The following DAB1 variants were observed in gnomAD, a reference collection of about 807,000 sequenced individuals.
DAB1 encodes disabled homolog 1.
DAB1 carries 15 observed loss-of-function variants against 64.6 expected under a neutral mutation model. The ratio of observed to expected loss-of-function variants is 0.23; its 90% CI spans 0.16 to 0.36. DAB1 has a LOEUF of 0.36. Among genes scored for constraint, DAB1 ranks in the 10% least tolerant of loss-of-function variants. DAB1 has a pLI of 1.00. For missense variants in DAB1, 596 were observed against 706.7 expected, an observed-to-expected ratio of 0.84 and a Z score of 1.78; for synonymous variants, 235 against 251.9, an observed-to-expected ratio of 0.93 and a Z score of 0.64.
chr1:57,228,851 A>G (rs2100420354), intron 2 of DAB1, among the ~76,000 whole-genome samples: 1 of 152,352 alleles, frequency 6.6e-6, no homozygotes, highest in Admixed American at 6.5e-5. Context: ...CTCGGTAGAT[A>G]AAATAGTTAT....
rs570239046 is a variant in DAB1 at position 57,107,903 on chromosome 1, G to T, written c.306+28640C>A. ...AGGCAACTGAGCCTTGTGCATTTCT[G>T]TTTCATCTCTAAATAGGGATAATGA... On this transcript the variant is annotated intron_variant, in intron 4 of 14. Transcript: ENST00000371236. 5.3e-5 allele frequency among the ~76,000 whole-genome samples: 8 copies of T among 152,238 alleles called. No homozygotes were observed. The South Asian group carries it at 1.7e-3, about 32-fold the overall frequency.
chr1:57,116,493 C>T (rs1323829455), intron 4 of DAB1, among the ~76,000 whole-genome samples: 5 of 111,454 alleles, frequency 4.5e-5, no homozygotes, highest in Non-Finnish European at 7.6e-5. Flanking sequence ...AGAAAGAAAG[C>T]AGGTTGGGAG....
chr1:57,999,254 A>G (rs550017786), intron 5 of DAB1, among the ~76,000 whole-genome samples: 3 of 152,240 alleles, frequency 2.0e-5, no homozygotes, highest in African/African-American at 7.2e-5. Context: ...TGAACTGTAC[A>G]GTTTGGTGAA....
chr1:58,082,423 TA>T lies in DAB1; in HGVS notation n.387+68087del, dbSNP rs59730337. 1.5e-3 allele frequency among the ~76,000 whole-genome samples: 130 copies of T among 88,354 alleles called. No homozygotes were observed. The East Asian group carries it at 0.056, about 38-fold the overall frequency. The allele number at this position is 88,354 out of a possible 152,430, so 58.0% of individuals were successfully genotyped here. ...GATTCTAGGAAAGCCAAAACTTAAA[TA>T]AAAAAAAAAAGACAAAAATAAACAA... On this transcript the variant is annotated intron_variant and non_coding_transcript_variant, in intron 5 of 20. Coordinates refer to the DAB1 transcript ENST00000485760.
chr1:57,408,359 G>A (rs1390171812), intron 1 of DAB1, among the ~76,000 whole-genome samples: 2 of 152,146 alleles, frequency 1.3e-5, no homozygotes, highest in Admixed American at 6.5e-5. Flanking sequence ...CCGGGTTTGA[G>A]GTGACACCCC....
At chr1:58,430,662 C>A (rs2100239226) in intron 3 of DAB1, among the ~76,000 whole-genome samples, 1 of 152,288 alleles carries the variant, frequency 6.6e-6, no homozygotes, top group Middle Eastern at 3.4e-3. Flanking sequence ...TAATGATTAA[C>A]CTTGCCACTT....
chr1:58,224,991 C>T (rs1389694221), intron 4 of DAB1, among the ~76,000 whole-genome samples: 1 of 152,138 alleles, frequency 6.6e-6, no homozygotes, highest in South Asian at 2.1e-4. Flanking sequence ...AGCTTCTGCA[C>T]AGCAAAAGAA....
chr1:58,376,243 C>T (rs1230329240), intron 3 of DAB1, among the ~76,000 whole-genome samples: 2 of 144,112 alleles, frequency 1.4e-5, no homozygotes, highest in Non-Finnish European at 3.1e-5. Flanking sequence ...TTTGCTCTTG[C>T]TTTTCTAGTT....
At chr1:57,108,670 T>C (rs1299808865) in intron 4 of DAB1, among the ~76,000 whole-genome samples, 5 of 152,154 alleles carry the variant, frequency 3.3e-5, no homozygotes. Context: ...AAGTCCAGTA[T>C]GAGGGTCAAG....
chr1:57,264,664 G>A (rs1206869181), intron 2 of DAB1, among the ~76,000 whole-genome samples: 1 of 151,516 alleles, frequency 6.6e-6, no homozygotes, highest in Non-Finnish European at 1.5e-5. Flanking sequence ...TGAACATGAC[G>A]CCTAAACATT....
At chr1:57,100,796 A>C (rs547767537) in intron 4 of DAB1, among the ~76,000 whole-genome samples, 1 of 152,200 alleles carries the variant, frequency 6.6e-6, no homozygotes, top group East Asian at 1.9e-4. Context: ...TGAAGCACGC[A>C]TGAGTAGGCA....
At chr1:58,489,783 C>T (rs1645645517) in intron 3 of DAB1, among the ~76,000 whole-genome samples, 1 of 152,090 alleles carries the variant, frequency 6.6e-6, no homozygotes. Flanking sequence ...TGGCTGTTCA[C>T]CAATATCCGC....
At chr1:57,790,641 T>C (rs1482386706) in intron 6 of DAB1, among the ~76,000 whole-genome samples, 1 of 152,148 alleles carries the variant, frequency 6.6e-6, no homozygotes, top group Non-Finnish European at 1.5e-5. Flanking sequence ...GGGGCAGGTA[T>C]GACATCTGGT....
intron 6 of DAB1, among the ~76,000 whole-genome samples, chr1:57,740,253 A>C (rs1210472786): frequency 6.6e-6 from 1 of 152,122 alleles, no homozygotes; most frequent in Non-Finnish European, 1.5e-5. Flanking sequence ...TAAGCCACAT[A>C]AAAATAATCT....
intron 3 of DAB1, among the ~76,000 whole-genome samples, chr1:58,364,777 G>C (rs1243894818): frequency 6.6e-6 from 1 of 152,172 alleles, no homozygotes; most frequent in African/African-American, 2.4e-5. Flanking sequence ...CACTATCTTG[G>C]TTTCTGTGAC....
intron 2 of DAB1, among the ~76,000 whole-genome samples, chr1:57,276,632 T>C (rs1018415751): frequency 6.6e-6 from 1 of 152,268 alleles, no homozygotes; most frequent in South Asian, 2.1e-4. Flanking sequence ...GAGGATAGGG[T>C]AGGATTTGTT....
At chr1:58,238,101 A>G (rs1176688295) in intron 4 of DAB1, among the ~76,000 whole-genome samples, 1 of 152,206 alleles carries the variant, frequency 6.6e-6, no homozygotes, top group Non-Finnish European at 1.5e-5. Flanking sequence ...ACAAACAGTA[A>G]GTACCTGGAA....
chr1:58,452,688 T>C (rs954181011), intron 3 of DAB1, among the ~76,000 whole-genome samples: 4 of 143,744 alleles, frequency 2.8e-5, no homozygotes, highest in Non-Finnish European at 4.5e-5. Flanking sequence ...TAGCTGGGCA[T>C]GATGGTGGGT....
At chr1:58,528,347 A>G (rs767822212) in intron 1 of DAB1, among the ~76,000 whole-genome samples, 18 of 152,234 alleles carry the variant, frequency 1.2e-4, no homozygotes, top group African/African-American at 3.6e-4. Flanking sequence ...CAGTAGTATC[A>G]TATGTAAAAT....
Sources: gnomAD v4.1 joint callset for allele counts (sites outside exome capture counted in the v4.1 genomes callset) on GRCh38, gnomAD v4.1.1 for gene constraint, MANE v1.5 for transcripts, NCBI Gene and HGNC (gene_info 2026-07-23, HGNC 2026-07-21) for gene names.